The following TDRP variants were observed in gnomAD, a reference collection of about 807,000 sequenced individuals.
TDRP encodes testis development related protein.
Under a neutral mutation model 10.5 loss-of-function variants are expected in TDRP, and 12 were observed. The ratio of observed to expected loss-of-function variants is 1.15; its 90% CI spans 0.73 to 1.86. TDRP has a LOEUF of 1.86. Among genes scored for constraint, TDRP ranks in the 40% most tolerant of loss-of-function variants. The pLI, the probability that TDRP is intolerant of heterozygous loss-of-function variation, is 0.00. For synonymous variants in TDRP, 139 were observed against 95.4 expected (o/e 1.46, Z -2.67); for missense variants, 353 against 229.2 (o/e 1.54, Z -3.49).
At chr8:508,872 C>T (rs1584862295) in intron 1 of TDRP, among the ~76,000 whole-genome samples, 1 of 152,196 alleles carries the variant, frequency 6.6e-6, no homozygotes, top group African/African-American at 2.4e-5. Context: ...AAATCAAAAG[C>T]AAGCTAGTTA....
chr8:511,897 C>G, intron 1 of TDRP, among the ~76,000 whole-genome samples: 1 of 152,004 alleles, frequency 6.6e-6, no homozygotes, highest in African/African-American at 2.4e-5. Flanking sequence ...TACCAAAAAA[C>G]ATGGGATTCA....
At chr8:514,802 G>A (rs962762106) in intron 1 of TDRP, among the ~76,000 whole-genome samples, 1 of 152,026 alleles carries the variant, frequency 6.6e-6, no homozygotes, top group Non-Finnish European at 1.5e-5. Flanking sequence ...TGTGTTGAGT[G>A]TGCCAGTTTA....
intron 1 of TDRP, among the ~76,000 whole-genome samples, chr8:530,970 T>C (rs942028046): frequency 2.0e-5 from 3 of 152,120 alleles, no homozygotes; most frequent in Non-Finnish European, 4.4e-5. Flanking sequence ...CTTTTTTCTC[T>C]GAAGCCCCCA....
chr8:506,316 C>T (rs553734162), intron 1 of TDRP, among the ~76,000 whole-genome samples: 14 of 152,224 alleles, frequency 9.2e-5, no homozygotes, highest in Admixed American at 5.2e-4. Flanking sequence ...AGCTCGGCAG[C>T]GGGGGGAGGG....
At chr8:527,910 G>C (rs144129265) in intron 1 of TDRP, among the ~76,000 whole-genome samples, 2,474 of 152,078 alleles carry the variant, frequency 0.016, 65 homozygotes, top group African/African-American at 0.056. Context: ...TGGACAAATG[G>C]GATCACATCA....
At position 522,223 on chromosome 8, in the gene TDRP, C is replaced by G. The variant is rs531700355; in HGVS notation, c.108+22427G>C. Among the ~76,000 whole-genome samples, 20 of 152,334 alleles carry G rather than the reference C, an allele frequency of 1.3e-4. No individual in the cohort carries two copies. In the South Asian group the frequency reaches 3.7e-3, roughly 28 times the overall value. Reference sequence around the variant, plus strand: ...CGTTTATGTCACACATTTGAGCACTCTGCTGTCAGATGCAGATATAACCGT... The same window carrying G: ...CGTTTATGTCACACATTTGAGCACTGTGCTGTCAGATGCAGATATAACCGT... On this transcript the variant is annotated intron_variant, in intron 1 of 2. Coordinates refer to ENST00000324079, the MANE Select transcript of TDRP (RefSeq NM_001384899.1).
At position 491,175 on chromosome 8, in the gene TDRP, G is replaced by GA. The variant is rs1347866845; in HGVS notation, c.*1223dup. 1 of 154,076 alleles carries GA rather than the reference G, an allele frequency of 6.5e-6. No homozygotes were observed. The highest frequency in any genetic ancestry group is 1.4e-5 in the Non-Finnish European group (1 of 69,376). 9.5% of individuals were successfully genotyped at this position (154,076 alleles called of 1,614,324 possible). A position where few individuals can be genotyped will look rare whatever the true frequency, so the allele number is the denominator to read the frequency against. ...AAACGGAAGGAACATCCACATGCATGAAACAGCACAGGAGTGCATGCCGAG... is the reference window on the plus strand; with the variant it reads ...AAACGGAAGGAACATCCACATGCATGAAAACAGCACAGGAGTGCATGCCGAG... On this transcript the variant is annotated 3_prime_UTR_variant, in exon 3 of 3. Coordinates refer to ENST00000324079, the MANE Select transcript of TDRP (RefSeq NM_001384899.1).
At chr8:517,064 G>C (rs1410346812) in intron 1 of TDRP, among the ~76,000 whole-genome samples, 2 of 152,148 alleles carry the variant, frequency 1.3e-5, no homozygotes, top group African/African-American at 2.4e-5. Context: ...GGCCGTGATG[G>C]GAAGGAGGAA....
chr8:532,796 C>T (rs1449631426), intron 1 of TDRP, among the ~76,000 whole-genome samples: 2 of 152,156 alleles, frequency 1.3e-5, no homozygotes, highest in African/African-American at 2.4e-5. Context: ...CAGCAAATAA[C>T]GGCCTGTGTT....
intron 1 of TDRP, among the ~76,000 whole-genome samples, chr8:512,480 C>T (rs1043348391): frequency 6.6e-6 from 1 of 150,942 alleles, no homozygotes; most frequent in Non-Finnish European, 1.5e-5. Context: ...TGAAACTGAC[C>T]AAGAAAAAAG....
intron 2 of TDRP, 138 bp from the exon 3 acceptor site, chr8:492,882 A>G (rs897599706): frequency 1.4e-6 from 1 of 735,240 alleles, no homozygotes; most frequent in African/African-American, 1.8e-5. Context: ...GAAAAGTTTC[A>G]AATATTAAAA....
At chr8:516,141 C>T (rs549201026) in intron 1 of TDRP, among the ~76,000 whole-genome samples, 16 of 152,168 alleles carry the variant, frequency 1.1e-4, no homozygotes, top group Non-Finnish European at 1.6e-4. Flanking sequence ...TACACTGGTC[C>T]GGTAGAGCGG....
At chr8:529,350 TTTAG>T (rs1318878239) in intron 1 of TDRP, among the ~76,000 whole-genome samples, 3 of 152,198 alleles carry the variant, frequency 2.0e-5, no homozygotes, top group Non-Finnish European at 4.4e-5. Context: ...TTAACATAGT[TTTAG>T]TTATTTTTAT....
In TDRP at chr8:544,685, GC is replaced by G. The variant is rs1563136099; in HGVS notation, c.72del (p.Pro25ArgfsTer24). On this transcript the variant is annotated frameshift_variant, in exon 1 of 3. Coordinates refer to ENST00000324079, the MANE Select transcript of TDRP (RefSeq NM_001384899.1). LOFTEE classifies it high-confidence loss of function. Reference sequence around the variant, plus strand: ...GCGGCGGCGGCGGCGGCCGGTGGCGGCCCCCCACGCAGGCCGTCCTCCTCCT... The same window carrying G: ...GCGGCGGCGGCGGCGGCCGGTGGCGGCCCCCACGCAGGCCGTCCTCCTCCT... ...PPEEEDGLRG[G>X]PPPAAAAAAQ... 1 of 1,244,384 alleles carries G rather than the reference GC, an allele frequency of 8.0e-7. No individual in the cohort carries two copies. The highest frequency in any genetic ancestry group is 1.0e-6 in the Non-Finnish European group (1 of 995,208). The allele number at this position is 1,244,384 out of a possible 1,614,324, so 77.1% of individuals were successfully genotyped here.
chr8:540,986 A>C (rs1471262945), intron 1 of TDRP, among the ~76,000 whole-genome samples: 1 of 152,204 alleles, frequency 6.6e-6, no homozygotes, highest in Non-Finnish European at 1.5e-5. Flanking sequence ...AATGAAACAG[A>C]ATTGAGAACT....
chr8:539,764 ACTT>A (rs1432596578), intron 1 of TDRP, among the ~76,000 whole-genome samples: 3 of 152,144 alleles, frequency 2.0e-5, no homozygotes, highest in Non-Finnish European at 2.9e-5. Context: ...ACGTTACTCC[ACTT>A]CTTTCTTCCC....
intron 1 of TDRP, among the ~76,000 whole-genome samples, chr8:521,280 G>A (rs1412825996): frequency 6.6e-6 from 1 of 151,054 alleles, no homozygotes. Flanking sequence ...AGGCAGGCGT[G>A]GTGGTGGGCG....
chr8:522,531 G>C (rs573686033), intron 1 of TDRP, among the ~76,000 whole-genome samples: 2 of 152,258 alleles, frequency 1.3e-5, no homozygotes, highest in South Asian at 4.2e-4. Context: ...GTTGTTCCTT[G>C]AAAAGTAAGA....
intron 1 of TDRP, among the ~76,000 whole-genome samples, chr8:541,418 T>C (rs1802493068): frequency 6.6e-6 from 1 of 152,212 alleles, no homozygotes; most frequent in African/African-American, 2.4e-5. Context: ...TAGTGAAGCT[T>C]CATTAAAATT....
Sources: gnomAD v4.1 joint callset for allele counts (sites outside exome capture counted in the v4.1 genomes callset) on GRCh38, gnomAD v4.1.1 for gene constraint, MANE v1.5 for transcripts, NCBI Gene and HGNC (gene_info 2026-07-23, HGNC 2026-07-21) for gene names.